GRIN1: variants seen among roughly 807,000 people sequenced by gnomAD.
GRIN1 encodes glutamate receptor ionotropic, NMDA 1.
GRIN1 carries 38 observed loss-of-function variants against 103.0 expected under a neutral mutation model. The observed-to-expected ratio is 0.37, with a 90% confidence interval of 0.28 to 0.48. GRIN1 has a LOEUF of 0.48. Ranked by LOEUF, GRIN1 falls within the 20% of genes least tolerant of loss-of-function variation. GRIN1 has a pLI of 0.98. For missense variants in GRIN1, 577 were observed against 1,288.9 expected (o/e 0.45, Z 8.46); for synonymous variants, 544 against 532.7 (o/e 1.02, Z -0.29).
intron 1 of GRIN1, 48 bp from the exon 2 acceptor site, chr9:137,141,965 G>T: frequency 1.2e-6 from 2 of 1,610,598 alleles, no homozygotes; most frequent in Non-Finnish European, 8.5e-7. Context: ...CTAACCCAGT[G>T]CCTGGCTCAC....
rs535838731 is a variant in GRIN1, at chr9:137,167,650, C to CT, written c.*124dup. On this transcript the variant is annotated 3_prime_UTR_variant, in exon 20 of 20. Coordinates refer to ENST00000371561, the MANE Select transcript of GRIN1 (RefSeq NM_007327.4). ...GGGTCGGGGGAGGAGCACCCCCAGC[C>CT]TCCCCCAGGCTGCGCCTGCCCGCCC... is the stretch of plus-strand genomic sequence containing the variant. 24 of 1,509,654 alleles carry CT rather than the reference C, an allele frequency of 1.6e-5. 1 individual carries two copies. In the South Asian group the frequency reaches 2.9e-4, roughly 18 times the overall value. 93.5% of individuals were successfully genotyped at this position (1,509,654 alleles called of 1,614,324 possible).
chr9:137,153,455 A>G, intron 4 of GRIN1, among the ~76,000 whole-genome samples: 1 of 150,740 alleles, frequency 6.6e-6, no homozygotes, highest in Admixed American at 6.6e-5. Flanking sequence ...CACTACACAT[A>G]CATCTCTACC....
chr9:137,162,113 T>TGGGGGGTG, intron 11 of GRIN1, 25 bp downstream of exon 11: 2 of 301,208 alleles, frequency 6.6e-6, no homozygotes, highest in Non-Finnish European at 1.2e-5. Flanking sequence ...GGTGGCGGGG[T>TGGGGGGTG]GGCGGCGGGG....
chr9:137,163,311 G>C lies in GRIN1; in HGVS notation c.2314G>C (p.Val772Leu), dbSNP rs1060500045. ...MRKDSPWKQN[V>L]SLSILKSHEN... is the part of the protein sequence containing the mutation. ...CAAAGACAGCCCCTGGAAGCAGAAC[G>C]TCTCCCTGTCCATCCTCAAGTGAGT... Residue 772 changes from valine to leucine, a missense_variant, in exon 16 of 20, where the codon GTC (valine) becomes CTC (leucine). This residue lies in a region of GRIN1 where 59 missense variants were observed against 161.3 expected (regional missense o/e 0.37). Transcript: ENST00000371561. 3.7e-6 allele frequency: 6 copies of C among 1,613,520 alleles called. No homozygotes were observed. The Admixed American group carries it at 8.3e-5, about 22-fold the overall frequency.
intron 10 of GRIN1, 110 bp downstream of exon 10, chr9:137,161,526 G>A (rs1170435098): frequency 9.5e-7 from 1 of 1,054,330 alleles, no homozygotes; most frequent in Non-Finnish European, 1.4e-6. Flanking sequence ...GGGTCCTGGG[G>A]TGAGTGGGGC....
intron 2 of GRIN1, among the ~76,000 whole-genome samples, chr9:137,143,531 G>T (rs34547970): frequency 8.5e-5 from 13 of 152,180 alleles, no homozygotes; most frequent in African/African-American, 3.1e-4. Context: ...AATGAAAGGC[G>T]GGGGAAACGG....
At chr9:137,162,119 C>A in intron 11 of GRIN1, 31 bp downstream of exon 11, 1 of 468,190 alleles carries the variant, frequency 2.1e-6, no homozygotes, top group Non-Finnish European at 3.5e-6. Context: ...GGGGTGGCGG[C>A]GGGGGGAGTC....
rs1295662136 is a variant in GRIN1 at position 137,158,366 on chromosome 9, CT to C, written c.969-11del. 4 of 1,612,950 alleles carry C rather than the reference CT, an allele frequency of 2.5e-6. No individual in the cohort carries two copies. Among genetic ancestry groups the C allele is most frequent in the Non-Finnish European group, 3.4e-6 (4 of 1,179,810 alleles). Reference sequence around the variant, plus strand: ...GCATCTCTGAGAAGCCTCAGCTATGCTTCCTTCCCTAGAGTGCTGATGTCTT... The same window carrying C: ...GCATCTCTGAGAAGCCTCAGCTATGCTCCTTCCCTAGAGTGCTGATGTCTT... On this transcript the variant is annotated splice_polypyrimidine_tract_variant and intron_variant, in intron 6 of 19. Transcript: ENST00000371561.
At position 137,139,556 on chromosome 9, in the gene GRIN1, C is replaced by T. The variant is rs1453332629; in HGVS notation, c.70C>T (p.Pro24Ser). ...SCSVARAACDPKIVNIGAVLS... is the reference protein window; with the variant it reads ...SCSVARAACDSKIVNIGAVLS... ...CTCCGTCGCCCGTGCCGCGTGCGAC[C>T]CCAAGATCGTCAACATTGGCGCGGT... The change falls in exon 1 of 20, where the codon CCC (proline) becomes TCC (serine). Residue 24 changes from proline to serine, a missense_variant. Coordinates refer to ENST00000371561, the MANE Select transcript of GRIN1 (RefSeq NM_007327.4). This position sits in a 1 kb window ranked among gnomAD's most constrained non-coding sequence, Gnocchi z 7.7. The T allele has an allele frequency of 1.9e-6, 3 of 1,612,574 alleles. No homozygotes were observed. Among genetic ancestry groups the T allele is most frequent in the South Asian group, 2.2e-5 (2 of 91,072 alleles).
chr9:137,166,032 G>A (rs1176122155), intron 19 of GRIN1, among the ~76,000 whole-genome samples: 1 of 152,130 alleles, frequency 6.6e-6, no homozygotes, highest in Non-Finnish European at 1.5e-5. Context: ...CTGAGCGGGG[G>A]CCCTGCAGGA....
At chr9:137,156,324 C>T (rs996941639) in intron 4 of GRIN1, among the ~76,000 whole-genome samples, 2 of 152,090 alleles carry the variant, frequency 1.3e-5, no homozygotes, top group African/African-American at 4.8e-5. Flanking sequence ...TCCCATAAGC[C>T]AGGTATCTAA....
At chr9:137,158,238 C>G in intron 6 of GRIN1, 141 bp from the exon 7 acceptor site, 2 of 919,958 alleles carry the variant, frequency 2.2e-6, no homozygotes, top group Non-Finnish European at 1.7e-6. Flanking sequence ...AAGGGAAAAG[C>G]CCAAGCTGCT....
chr9:137,151,155 G>A (rs1394196996), intron 4 of GRIN1, among the ~76,000 whole-genome samples: 3 of 104,038 alleles, frequency 2.9e-5, no homozygotes, highest in African/African-American at 7.6e-5. Flanking sequence ...AAAAAGTCCC[G>A]CCCAGGGAAA....
At position 137,168,537 on chromosome 9, in the gene GRIN1, A is replaced by C; in HGVS notation, c.*1010A>C. 2.6e-5 allele frequency: 6 copies of C among 232,022 alleles called. No homozygotes were observed. The highest frequency in any genetic ancestry group is 8.8e-5 in the East Asian group (1 of 11,326). The allele number at this position is 232,022 out of a possible 1,614,324, so 14.4% of individuals were successfully genotyped here. ...TTCAACCCTGCCCTGCACCTTGGGC[A>C]CGGGAGAGCGCCACCCGCCCGCCCC... On this transcript the variant is annotated 3_prime_UTR_variant, in exon 20 of 20. Coordinates refer to ENST00000371561, the MANE Select transcript of GRIN1 (RefSeq NM_007327.4).
intron 18 of GRIN1, 94 bp downstream of exon 18, chr9:137,163,998 C>G: frequency 6.9e-7 from 1 of 1,442,242 alleles, no homozygotes. Flanking sequence ...GGCTCTGGCT[C>G]TGGTGGGCAG....
Position 137,158,643 on chromosome 9 carries a change from T to A in GRIN1, c.1136T>A (p.Ile379Asn), listed in dbSNP as rs2131280711. The A allele has an allele frequency of 1.2e-6, 2 of 1,612,752 alleles. No individual in the cohort carries two copies. The highest frequency in any genetic ancestry group is 1.7e-6 in the Non-Finnish European group (2 of 1,179,932). ...CAGGTCATCCCTAATGACAGGAAGA[T>A]CATCTGGCCAGGCGGAGAGACAGAG... Reference protein sequence around the residue: ...GTHVIPNDRKIIWPGGETEKP... With the variant: ...GTHVIPNDRKNIWPGGETEKP... Residue 379 changes from isoleucine (I) to asparagine (N), a missense_variant, in exon 8 of 20, where the codon ATC becomes AAC. This residue lies in a region of GRIN1 where 308 missense variants were observed against 553.6 expected (regional missense o/e 0.56). Coordinates refer to ENST00000371561, the MANE Select transcript of GRIN1 (RefSeq NM_007327.4).
At chr9:137,163,420 C>T (rs1833673225) in intron 16 of GRIN1, 90 bp downstream of exon 16, 1 of 1,515,292 alleles carries the variant, frequency 6.6e-7, no homozygotes, top group Non-Finnish European at 9.1e-7. Flanking sequence ...GAGGCCACCA[C>T]TGATTTCCCA....
chr9:137,148,292 C>A, intron 3 of GRIN1: 1 of 931,746 alleles, frequency 1.1e-6, no homozygotes, highest in Non-Finnish European at 1.6e-6. Context: ...GGGCCACTGT[C>A]TGGCCCAGCC....
chr9:137,162,970 G>C lies in GRIN1; in HGVS notation c.2138G>C (p.Ser713Thr). Reference protein sequence around the residue: ...YRHMEKHNYESAAEAIQAVRD... With the variant: ...YRHMEKHNYETAAEAIQAVRD... ...CATATGGAGAAGCACAACTACGAGA[G>C]TGCGGCGGAGGCCATCCAGGCCGTG... The change falls in exon 15 of 20, where the codon AGT becomes ACT. Residue 713 changes from serine (S) to threonine (T), a missense_variant. Physicochemically the swap from Ser to Thr is moderately conservative, Grantham distance 58 (BLOSUM62 1). Transcript: ENST00000371561. 2 of 1,606,486 alleles carry C rather than the reference G, an allele frequency of 1.2e-6. No individual in the cohort carries two copies. The highest frequency in any genetic ancestry group is 1.7e-6 in the Non-Finnish European group (2 of 1,177,418).
Sources: gnomAD v4.1 joint callset for allele counts (sites outside exome capture counted in the v4.1 genomes callset) on GRCh38, gnomAD v4.1.1 for gene constraint, gnomAD v4.1.1 regional missense constraint, Gnocchi (gnomAD v3.1) non-coding constraint, MANE v1.5 for transcripts, NCBI Gene and HGNC (gene_info 2026-07-23, HGNC 2026-07-21) for gene names.